ZNF831: variants seen among roughly 807,000 people sequenced by gnomAD.
The protein encoded by ZNF831 is chromosome 20 open reading frame 174.
A neutral mutation model predicts 95.8 loss-of-function variants in ZNF831; 59 were observed. The ratio of observed to expected loss-of-function variants is 0.62; its 90% confidence interval spans 0.50 to 0.77. The LOEUF (loss-of-function observed/expected upper bound fraction) is 0.77, where lower values mean the gene tolerates loss of function less well. Ranked by LOEUF, ZNF831 falls within the 30% of genes least tolerant of loss-of-function variation. The pLI is 0.00. For synonymous variants in ZNF831, 961 were observed against 925.5 expected, an observed-to-expected ratio of 1.04 and a Z score of -0.70; for missense variants, 2,205 against 2,164.0, an observed-to-expected ratio of 1.02 and a Z score of -0.38.
At position 59,206,943 on chromosome 20, in the gene ZNF831, G is replaced by C. The variant is rs754159883; in HGVS notation, c.3914G>C (p.Arg1305Thr). 1.9e-6 allele frequency: 3 copies of C among 1,614,218 alleles called. No individual in the cohort carries two copies. In the Admixed American group the frequency reaches 5.0e-5, roughly 27 times the overall value. The change falls in exon 4 of 6, where the codon AGA becomes ACA. Residue 1305 changes from arginine (R) to threonine (T), a missense_variant. Physicochemically the swap from Arg to Thr is moderately conservative, Grantham distance 71 (BLOSUM62 -1). Coordinates refer to ENST00000371030, the MANE Select transcript of ZNF831 (RefSeq NM_178457.3). ...GNFLQSCVQL[R>T]ASRLRTPTWV... ...TTCTTGCAGAGCTGTGTTCAGCTGAGAGCCAGTAGACTTCGCACACCAACC... is the reference window on the plus strand; with the variant it reads ...TTCTTGCAGAGCTGTGTTCAGCTGACAGCCAGTAGACTTCGCACACCAACC...
chr20:59,164,354 G>A (rs1981087061), intron 1 of ZNF831, among the ~76,000 whole-genome samples, 147 bp downstream of exon 1: 1 of 152,208 alleles, frequency 6.6e-6, no homozygotes, highest in African/African-American at 2.4e-5. Flanking sequence ...CCCAGTTCAA[G>A]TAATTCTCTC....
chr20:59,125,527 G>A (rs553187763), intron 1 of ZNF831, among the ~76,000 whole-genome samples: 27 of 152,208 alleles, frequency 1.8e-4, no homozygotes, highest in Non-Finnish European at 3.4e-4. Context: ...GAGAAGCTCC[G>A]CCGATGGGTT....
At chr20:59,157,212 G>T (rs1465026398) in intron 2 of ZNF831, among the ~76,000 whole-genome samples, 2 of 151,930 alleles carry the variant, frequency 1.3e-5, no homozygotes, top group South Asian at 4.2e-4. Flanking sequence ...CCACTTTCCC[G>T]CCCACTCCCC....
At chr20:59,139,250 G>T (rs941078127) in intron 1 of ZNF831, among the ~76,000 whole-genome samples, 3 of 151,898 alleles carry the variant, frequency 2.0e-5, no homozygotes, top group Non-Finnish European at 2.9e-5. Flanking sequence ...TATTTCTATG[G>T]TGTGGATGTA....
intron 1 of ZNF831, among the ~76,000 whole-genome samples, chr20:59,166,572 CCT>C (rs1017906460): frequency 1.3e-5 from 2 of 152,060 alleles, no homozygotes; most frequent in Non-Finnish European, 2.9e-5. Flanking sequence ...CTGCTCTCCT[CCT>C]CTCTCTCTCC....
chr20:59,219,025 A>G (rs778419913), intron 4 of ZNF831, among the ~76,000 whole-genome samples: 3 of 152,140 alleles, frequency 2.0e-5, no homozygotes, highest in Non-Finnish European at 4.4e-5. Flanking sequence ...AATAAAAAAT[A>G]CAAAATAAAA....
intron 4 of ZNF831, among the ~76,000 whole-genome samples, chr20:59,229,185 C>T (rs1193415995): frequency 6.6e-6 from 1 of 152,238 alleles, no homozygotes; most frequent in Non-Finnish European, 1.5e-5. Context: ...ATACATACCA[C>T]ATTTTCTTTA....
At position 59,254,275 on chromosome 20, in the gene ZNF831, G is replaced by A. The variant is rs2146766984; in HGVS notation, c.4566G>A (p.Arg1522=). The change falls in exon 6 of 6, where the codon AGG becomes AGA. Residue 1522 remains arginine (R), a synonymous_variant. Coordinates refer to ENST00000371030, the MANE Select transcript of ZNF831 (RefSeq NM_178457.3). This position sits in a 1 kb window ranked among gnomAD's most constrained non-coding sequence, Gnocchi z 4.5. ...ESRDHSQTAG[R]TLTSSSPDSK... is the part of the protein sequence containing the mutation. ...GAGACCACAGCCAGACTGCAGGGAG[G>A]ACTCTGACATCAAGCTCCCCAGACA... is the stretch of plus-strand genomic sequence containing the variant. 1.2e-6 allele frequency: 2 copies of A among 1,614,016 alleles called. No individual in the cohort carries two copies. Among genetic ancestry groups the A allele is most frequent in the South Asian group, 1.1e-5 (1 of 91,058 alleles).
chr20:59,136,620 A>G (rs1979519544), intron 1 of ZNF831, among the ~76,000 whole-genome samples: 1 of 152,144 alleles, frequency 6.6e-6, no homozygotes, highest in Non-Finnish European at 1.5e-5. Context: ...TTGCAGTCCA[A>G]AACCTCCCCC....
At chr20:59,133,647 A>G (rs896266575) in intron 1 of ZNF831, among the ~76,000 whole-genome samples, 1 of 152,196 alleles carries the variant, frequency 6.6e-6, no homozygotes, top group Non-Finnish European at 1.5e-5. Context: ...CAAGCAGCAG[A>G]TAAAGGCTGG....
chr20:59,125,614 A>G (rs985994882), intron 1 of ZNF831, among the ~76,000 whole-genome samples: 2 of 152,124 alleles, frequency 1.3e-5, no homozygotes, highest in African/African-American at 4.8e-5. Context: ...CTCGAGACAG[A>G]GTAGGAGGTG....
At chr20:59,127,772 C>G (rs1049842478) in intron 1 of ZNF831, among the ~76,000 whole-genome samples, 2 of 152,216 alleles carry the variant, frequency 1.3e-5, no homozygotes, top group South Asian at 4.1e-4. Flanking sequence ...CCCTCCACCC[C>G]CAGGAAGCAT....
upstream of ZNF831, among the ~76,000 whole-genome samples, chr20:59,161,649 T>C (rs1342253605): frequency 6.6e-6 from 1 of 152,196 alleles, no homozygotes; most frequent in East Asian, 1.9e-4. Context: ...TTTTTCTTCA[T>C]CCAGTCTACC....
intron 1 of ZNF831, among the ~76,000 whole-genome samples, chr20:59,127,798 G>C (rs914589828): frequency 6.6e-6 from 1 of 152,252 alleles, no homozygotes; most frequent in Non-Finnish European, 1.5e-5. Context: ...AAATGAGCAA[G>C]TATGCCTGCC....
chr20:59,126,337 C>T (rs1170179597), intron 1 of ZNF831, among the ~76,000 whole-genome samples: 1 of 152,196 alleles, frequency 6.6e-6, no homozygotes, highest in Non-Finnish European at 1.5e-5. Flanking sequence ...TTCAGAAGTG[C>T]TGGCTTCTGT....
intron 4 of ZNF831, among the ~76,000 whole-genome samples, chr20:59,222,928 TCC>T (rs1435394120): frequency 6.6e-6 from 1 of 152,252 alleles, no homozygotes; most frequent in East Asian, 1.9e-4. Context: ...TGATCCTAGT[TCC>T]TTGGCTTCTG....
At chr20:59,207,077 G>A (rs368284798) in intron 4 of ZNF831, 21 bp downstream of exon 4, 50 of 1,610,730 alleles carry the variant, frequency 3.1e-5, no homozygotes, top group Non-Finnish European at 4.2e-5. Context: ...CTTTGGAGGT[G>A]CATCCAGACT....
chr20:59,225,133 TA>T (rs758138309), intron 4 of ZNF831, among the ~76,000 whole-genome samples: 28 of 152,358 alleles, frequency 1.8e-4, no homozygotes, highest in Middle Eastern at 3.4e-3. Context: ...AATGCATGTA[TA>T]TTTTTTTTAA....
chr20:59,246,032 T>C (rs754176268), intron 4 of ZNF831, among the ~76,000 whole-genome samples: 1 of 152,216 alleles, frequency 6.6e-6, no homozygotes, highest in Non-Finnish European at 1.5e-5. Flanking sequence ...TTGTTCACTT[T>C]GGTTTTCTTC....
Sources: allele counts gnomAD v4.1 joint callset (sites outside exome capture counted in the v4.1 genomes callset), GRCh38; gene constraint gnomAD v4.1.1; non-coding constraint Gnocchi (gnomAD v3.1); transcripts MANE v1.5; gene names NCBI Gene and HGNC (gene_info 2026-07-23, HGNC 2026-07-21).